BTD: variants seen among roughly 807,000 people sequenced by gnomAD.
BTD encodes the protein biocytinase.
A neutral mutation model predicts 17.7 loss-of-function variants in BTD; 13 were observed. The observed-to-expected ratio is 0.74, with a 90% confidence interval of 0.48 to 1.17. BTD has a LOEUF of 1.17. Ranked by LOEUF, BTD falls within the 50% of genes most tolerant of loss-of-function variation. The probability of loss-of-function intolerance (pLI) is 0.00; values close to 1 mark genes in which losing one functional copy is unlikely to be tolerated. For missense variants in BTD, 674 were observed against 650.4 expected (o/e 1.04, Z -0.39); for synonymous variants, 240 against 245.2 (o/e 0.98, Z 0.20).
chr3:15,625,960 G>A (rs1449269200), intron 1 of BTD, among the ~76,000 whole-genome samples: 1 of 152,192 alleles, frequency 6.6e-6, no homozygotes, highest in Non-Finnish European at 1.5e-5. Flanking sequence ...CTGTTTATAA[G>A]TGTTGTCTTG....
rs1384123751 is a variant in BTD at position 15,650,288 on chromosome 3, G to T, written c.*4800G>T. Among the ~76,000 whole-genome samples the T allele has an allele frequency of 6.6e-6, 1 of 152,126 alleles. No individual in the cohort carries two copies. Among genetic ancestry groups the T allele is most frequent in the Non-Finnish European group, 1.5e-5 (1 of 68,008 alleles). On this transcript the variant is annotated 3_prime_UTR_variant, in exon 4 of 4. Coordinates refer to ENST00000643237, the MANE Select transcript of BTD (RefSeq NM_001370658.1). ...TTTTATTTTTGTGTTCAGTACTGAA[G>T]TAAAACAAAAATCTGAATAACAGCT...
intron 3 of BTD, among the ~76,000 whole-genome samples, chr3:15,690,588 A>G (rs2125824541): frequency 6.6e-6 from 1 of 152,258 alleles, no homozygotes; most frequent in South Asian, 2.1e-4. Context: ...GTTTTGAGAC[A>G]GGGTCTTGCT....
At chr3:15,603,371 C>T (rs190793281) in intron 1 of BTD, among the ~76,000 whole-genome samples, 4 of 152,254 alleles carry the variant, frequency 2.6e-5, no homozygotes, top group Non-Finnish European at 5.9e-5. Flanking sequence ...CAAAAGCAAG[C>T]TAGTGGCTGG....
chr3:15,620,802 C>T (rs1034655154), intron 1 of BTD, among the ~76,000 whole-genome samples: 1 of 152,224 alleles, frequency 6.6e-6, no homozygotes, highest in Non-Finnish European at 1.5e-5. Flanking sequence ...CTTCCCATAA[C>T]AGGGAGACAG....
At chr3:15,690,286 T>C (rs1210475972) in intron 3 of BTD, 3 of 1,290,674 alleles carry the variant, frequency 2.3e-6, no homozygotes, top group Non-Finnish European at 1.1e-6. Context: ...AATACTTGAA[T>C]AAATGTAAAT....
intron 3 of BTD, among the ~76,000 whole-genome samples, chr3:15,679,141 T>G (rs2067261844): frequency 6.6e-6 from 1 of 151,992 alleles, no homozygotes; most frequent in South Asian, 2.1e-4. Flanking sequence ...TGCACTTTTT[T>G]TTTTTTTGGT....
chr3:15,711,169 C>T (rs2072221175), exon 4 of BTD: 2 of 1,492,648 alleles, frequency 1.3e-6, no homozygotes, highest in Non-Finnish European at 1.8e-6. Context: ...CTGCCATGAC[C>T]AGCTATCTTT....
intron 3 of BTD, among the ~76,000 whole-genome samples, chr3:15,692,218 A>G (rs2068906326): frequency 6.6e-6 from 1 of 152,038 alleles, no homozygotes; most frequent in South Asian, 2.1e-4. Context: ...TGGCAGGCCA[A>G]CACAGGAGGA....
At chr3:15,608,216 G>A (rs902493450) in intron 1 of BTD, among the ~76,000 whole-genome samples, 5 of 152,234 alleles carry the variant, frequency 3.3e-5, no homozygotes, top group African/African-American at 1.2e-4. Context: ...ATGCCAGGGA[G>A]ACCTGGAACT....
intron 3 of BTD, among the ~76,000 whole-genome samples, chr3:15,706,158 G>A (rs2071352729): frequency 1.3e-5 from 2 of 151,784 alleles, no homozygotes; most frequent in South Asian, 2.1e-4. Flanking sequence ...TGGCACATAT[G>A]TATACATGTG....
chr3:15,706,437 G>A (rs1306110288), intron 3 of BTD, among the ~76,000 whole-genome samples: 4 of 152,022 alleles, frequency 2.6e-5, no homozygotes, highest in African/African-American at 9.7e-5. Flanking sequence ...TTTTATGGCT[G>A]CATAGTATTC....
intron 3 of BTD, chr3:15,695,148 A>G: frequency 6.6e-7 from 1 of 1,518,178 alleles, no homozygotes; most frequent in Non-Finnish European, 9.1e-7. Context: ...GAGGGAACTG[A>G]CCAATACTAA....
At chr3:15,631,981 T>C (rs1292251345) in intron 1 of BTD, among the ~76,000 whole-genome samples, 1 of 152,192 alleles carries the variant, frequency 6.6e-6, no homozygotes, top group Non-Finnish European at 1.5e-5. Context: ...TTCCTTTTGC[T>C]GCCACTTTCT....
intron 1 of BTD, among the ~76,000 whole-genome samples, chr3:15,613,719 TC>T (rs2064704782): frequency 6.6e-6 from 1 of 152,180 alleles, no homozygotes; most frequent in Admixed American, 6.5e-5. Context: ...TCGTATAGTA[TC>T]TTTCAAAAGA....
chr3:15,718,098 A>G (rs188917666), intron 4 of BTD, among the ~76,000 whole-genome samples: 258 of 152,338 alleles, frequency 1.7e-3, no homozygotes, highest in Non-Finnish European at 2.6e-3. Flanking sequence ...CAAATTATAA[A>G]AAATACAGTT....
At chr3:15,709,831 G>C in intron 3 of BTD, 1 of 695,322 alleles carries the variant, frequency 1.4e-6, no homozygotes, top group South Asian at 2.2e-5. Flanking sequence ...GTTTTTATAT[G>C]AAGATAAATG....
intron 3 of BTD, among the ~76,000 whole-genome samples, chr3:15,682,727 CTAGT>C (rs762348027): frequency 2.0e-5 from 3 of 152,128 alleles, no homozygotes; most frequent in Non-Finnish European, 2.9e-5. Flanking sequence ...ACAATAATTA[CTAGT>C]TAAAGTAAAA....
At chr3:15,685,979 G>A (rs1209037271) in intron 3 of BTD, 7 of 1,589,876 alleles carry the variant, frequency 4.4e-6, no homozygotes, top group South Asian at 1.1e-5. Flanking sequence ...CTTTTTGAAA[G>A]GAAAGAGCAT....
chr3:15,714,640 G>C (rs1231070347), downstream of BTD: 2 of 1,594,500 alleles, frequency 1.3e-6, no homozygotes, highest in African/African-American at 2.7e-5. Flanking sequence ...GTGTAGTGGG[G>C]TTTTCCCATC....
Sources: gnomAD v4.1 joint callset for allele counts (sites outside exome capture counted in the v4.1 genomes callset) on GRCh38, gnomAD v4.1.1 for gene constraint, MANE v1.5 for transcripts, NCBI Gene and HGNC (gene_info 2026-07-23, HGNC 2026-07-21) for gene names.